Variants in NSDHL observed in about 807,000 individuals in gnomAD.
The protein encoded by NSDHL is NAD(P) dependent 3-beta-hydroxysteroid dehydrogenase NSDHL.
In NSDHL, 1 loss-of-function variant was observed where a neutral mutation model predicts 23.0. The ratio of observed to expected loss-of-function variants is 0.04; its 90% CI spans 0.02 to 0.21. The LOEUF is 0.21. NSDHL is among the 10% of genes least tolerant of loss of function. The probability of loss-of-function intolerance (pLI) is 1.00; values close to 1 mark genes in which losing one functional copy is unlikely to be tolerated. For synonymous variants in NSDHL, 128 were observed against 121.1 expected, an observed-to-expected ratio of 1.06 and a Z score of -0.37; for missense variants, 237 against 300.9, an observed-to-expected ratio of 0.79 and a Z score of 1.57.
intron 1 of NSDHL, among the ~76,000 whole-genome samples, chrX:152,845,342 C>G (rs1933254663): frequency 8.9e-6 from 1 of 112,176 alleles, no homozygotes; most frequent in African/African-American, 3.2e-5. Context: ...TTCTGTGAAT[C>G]TAGCCTTTCA....
chrX:152,836,336 G>C (rs782773775), intron 1 of NSDHL, among the ~76,000 whole-genome samples: 102 of 112,217 alleles, frequency 9.1e-4, no homozygotes, highest in African/African-American at 3.2e-3. Context: ...TTTGGCTTTT[G>C]TTGCCATTGC....
chrX:152,831,468 T>A (rs1277528067), intron 1 of NSDHL, among the ~76,000 whole-genome samples: 3 of 110,327 alleles, frequency 2.7e-5, no homozygotes, highest in Non-Finnish European at 5.7e-5. Flanking sequence ...CCAGACCAGG[T>A]TCCAAGAGAG....
chrX:152,832,161 C>G (rs1316387396), intron 1 of NSDHL, among the ~76,000 whole-genome samples: 4 of 111,905 alleles, frequency 3.6e-5, no homozygotes, highest in Non-Finnish European at 3.8e-5. Context: ...TGCCTCTCAT[C>G]TTTGTCTCAG....
At chrX:152,853,929 C>T (rs73631841) in intron 3 of NSDHL, among the ~76,000 whole-genome samples, 1,210 of 112,249 alleles carry the variant, frequency 0.011, 24 homozygotes, top group African/African-American at 0.037. Flanking sequence ...GCTTATTTGT[C>T]CTGATTGAAA....
chrX:152,852,253 G>A (rs781912323), intron 3 of NSDHL, among the ~76,000 whole-genome samples: 4 of 111,692 alleles, frequency 3.6e-5, no homozygotes, highest in Non-Finnish European at 7.5e-5. Flanking sequence ...CGGAGAAAGA[G>A]AGGTTGAGAT....
intron 4 of NSDHL, among the ~76,000 whole-genome samples, chrX:152,860,823 C>G (rs782258263): frequency 3.6e-5 from 4 of 112,367 alleles, no homozygotes; most frequent in Non-Finnish European, 7.5e-5. Context: ...TGTGCCCATC[C>G]TCGATGCCAT....
rs1279237151 is a variant in NSDHL at position 152,868,899 on chromosome X, A to G, written c.905A>G (p.Tyr302Cys). 1 of 1,211,816 alleles carries G rather than the reference A, an allele frequency of 8.3e-7. No homozygotes were observed. Among genetic ancestry groups the G allele is most frequent in the South Asian group, 1.8e-5 (1 of 56,988 alleles). Residue 302 changes from tyrosine (Y) to cysteine (C), a missense_variant, in exon 8 of 8, where the codon TAC becomes TGC. Coordinates refer to ENST00000370274, the MANE Select transcript of NSDHL (RefSeq NM_015922.3). The stretch of plus-strand genomic sequence containing the variant: ...CACATCCCCTACTGGGTGGCCTACT[A>G]CCTGGCCCTCCTGCTATCCCTGCTG... ...KYHIPYWVAY[Y>C]LALLLSLLVM...
chrX:152,858,308 C>T lies in NSDHL; in HGVS notation c.268-462C>T, dbSNP rs1351928202. On this transcript the variant is annotated intron_variant, in intron 3 of 7. Coordinates refer to ENST00000370274, the MANE Select transcript of NSDHL (RefSeq NM_015922.3). Reference sequence around the variant, plus strand: ...TCCTTTTAGCAGTAAATCAAACAGACCTGTTTTAAAAATCCCTTTCAGGTT... The same window carrying T: ...TCCTTTTAGCAGTAAATCAAACAGATCTGTTTTAAAAATCCCTTTCAGGTT... Among the ~76,000 whole-genome samples, 3 of 112,169 alleles carry T rather than the reference C, an allele frequency of 2.7e-5. No homozygotes were observed. The East Asian group carries it at 8.3e-4, about 31-fold the overall frequency.
intron 6 of NSDHL, among the ~76,000 whole-genome samples, chrX:152,867,025 G>A (rs1346589665): frequency 4.5e-5 from 5 of 111,728 alleles, no homozygotes; most frequent in Admixed American, 1.9e-4. Context: ...TTTTCTCCTC[G>A]GGTTAAGTGC....
chrX:152,858,741 G>A (rs1933480590), intron 3 of NSDHL, 29 bp from the exon 4 acceptor site: 2 of 1,203,809 alleles, frequency 1.7e-6, no homozygotes, highest in South Asian at 3.5e-5. Context: ...AAGCAGGAAT[G>A]ATTATTTTGT....
chrX:152,856,469 C>T (rs949654946), intron 3 of NSDHL, among the ~76,000 whole-genome samples: 3 of 111,828 alleles, frequency 2.7e-5, no homozygotes, highest in Non-Finnish European at 5.6e-5. Context: ...GGTATTATTA[C>T]TTCTGATACT....
intron 6 of NSDHL, among the ~76,000 whole-genome samples, chrX:152,866,989 T>A (rs1487483103): frequency 8.9e-6 from 1 of 111,811 alleles, no homozygotes; most frequent in African/African-American, 3.3e-5. Flanking sequence ...TGTCCTTGCA[T>A]CTGGGAAGGC....
chrX:152,868,884 A>G lies in NSDHL; in HGVS notation c.890A>G (p.Tyr297Cys). ...NYEAPKYHIPYWVAYYLALLL... is the reference protein window; with the variant it reads ...NYEAPKYHIPCWVAYYLALLL... Reference sequence around the variant, plus strand: ...GAGGCCCCCAAGTACCACATCCCCTACTGGGTGGCCTACTACCTGGCCCTC... The same window carrying G: ...GAGGCCCCCAAGTACCACATCCCCTGCTGGGTGGCCTACTACCTGGCCCTC... Residue 297 changes from tyrosine to cysteine, a missense_variant, in exon 8 of 8, where the codon TAC becomes TGC. This residue lies in a region of NSDHL where 117 missense variants were observed against 99.5 expected (regional missense o/e 1.18). Coordinates refer to ENST00000370274, the MANE Select transcript of NSDHL (RefSeq NM_015922.3). 3 of 1,210,801 alleles carry G rather than the reference A, an allele frequency of 2.5e-6. No homozygotes were observed. The highest frequency in any genetic ancestry group is 2.2e-6 in the Non-Finnish European group (2 of 894,633).
intron 4 of NSDHL, among the ~76,000 whole-genome samples, chrX:152,861,901 C>G (rs1251349993): frequency 4.5e-5 from 5 of 111,106 alleles, no homozygotes; most frequent in Non-Finnish European, 7.6e-5. Context: ...AGATTTTTCT[C>G]TCATCTGTAA....
At chrX:152,846,099 C>T (rs1393690335) in intron 1 of NSDHL, among the ~76,000 whole-genome samples, 183 bp from the exon 2 acceptor site, 1 of 113,062 alleles carries the variant, frequency 8.8e-6, no homozygotes, top group Non-Finnish European at 1.9e-5. Context: ...GTTAGCCGGG[C>T]ATGGTGGCAG....
intron 1 of NSDHL, among the ~76,000 whole-genome samples, chrX:152,845,218 T>C (rs962988640): frequency 1.8e-5 from 2 of 111,925 alleles, no homozygotes; most frequent in Non-Finnish European, 3.8e-5. Context: ...GGACACATGA[T>C]CATGCCCATT....
intron 1 of NSDHL, among the ~76,000 whole-genome samples, chrX:152,838,221 A>G (rs1403470228): frequency 1.8e-5 from 2 of 111,113 alleles, no homozygotes; most frequent in African/African-American, 6.6e-5. Flanking sequence ...CGGTCTATCA[A>G]TTTTATTGAT....
chrX:152,841,677 A>T (rs1251023582), intron 1 of NSDHL, among the ~76,000 whole-genome samples: 3 of 112,507 alleles, frequency 2.7e-5, no homozygotes, highest in African/African-American at 9.7e-5. Context: ...TTAAAGGAAG[A>T]GACTTGAGGC....
Position 152,869,243 on chromosome X carries a change from A to G in NSDHL, c.*127A>G. 1.7e-6 allele frequency: 1 copy of G among 575,489 alleles called. No homozygotes were observed. The highest frequency in any genetic ancestry group is 2.9e-6 in the Non-Finnish European group (1 of 341,705). The allele number at this position is 575,489 out of a possible 1,213,427, so 47.4% of individuals were successfully genotyped here. A position where few individuals can be genotyped will look rare whatever the true frequency, so the allele number is the denominator to read the frequency against. Reference sequence around the variant, plus strand: ...CTGTGACTCCTTCTGCTAGGCAGAGAGCGCACCCTACTCTTTCCGTGACGA... The same window carrying G: ...CTGTGACTCCTTCTGCTAGGCAGAGGGCGCACCCTACTCTTTCCGTGACGA... On this transcript the variant is annotated 3_prime_UTR_variant, in exon 8 of 8. Coordinates refer to ENST00000370274, the MANE Select transcript of NSDHL (RefSeq NM_015922.3).
Sources: allele counts gnomAD v4.1 joint callset (sites outside exome capture counted in the v4.1 genomes callset), GRCh38; gene constraint gnomAD v4.1.1; regional missense constraint gnomAD v4.1.1; transcripts MANE v1.5; gene names NCBI Gene and HGNC (gene_info 2026-07-23, HGNC 2026-07-21).